Variants in LMNA observed in about 807,000 individuals in gnomAD.
The protein encoded by LMNA is lamin.
In LMNA, 20 loss-of-function variants were observed where a neutral mutation model predicts 70.4. The observed-to-expected ratio is 0.28, with a 90% CI of 0.20 to 0.41. The LOEUF is 0.41. Among genes scored for constraint, LMNA ranks in the 10% least tolerant of loss-of-function variants. The pLI is 1.00. For synonymous variants in LMNA, 339 were observed against 372.8 expected (o/e 0.91, Z 1.04); for missense variants, 652 against 917.2 (o/e 0.71, Z 3.73).
Position 156,139,702 on chromosome 1 carries a change from C to G in LMNA, c.*596C>G. ...GCCCCGCCCCCAGTCCCCACCCCTG[C>G]CCCCAGCCCCGGGGTGAGTCCATTC... On this transcript the variant is annotated 3_prime_UTR_variant, in exon 12 of 12. Coordinates refer to ENST00000368300, the MANE Select transcript of LMNA (RefSeq NM_170707.4). 1 of 1,520,332 alleles carries G rather than the reference C, an allele frequency of 6.6e-7. No individual in the cohort carries two copies. The highest frequency in any genetic ancestry group is 8.8e-7 in the Non-Finnish European group (1 of 1,139,130). 94.2% of individuals were successfully genotyped at this position (1,520,332 alleles called of 1,614,324 possible).
chr1:156,099,172 A>G (rs1014076188), intron 3 of LMNA, among the ~76,000 whole-genome samples: 1 of 152,096 alleles, frequency 6.6e-6, no homozygotes, highest in African/African-American at 2.4e-5. Context: ...CCCTCTCCTT[A>G]GCAATTAGGC....
In LMNA at chr1:156,139,574, C is replaced by A; in HGVS notation, c.*468C>A. 1 of 1,397,182 alleles carries A rather than the reference C, an allele frequency of 7.2e-7. No individual in the cohort carries two copies. The highest frequency in any genetic ancestry group is 9.3e-7 in the Non-Finnish European group (1 of 1,080,350). The allele number at this position is 1,397,182 out of a possible 1,614,324, so 86.5% of individuals were successfully genotyped here. A position where few individuals can be genotyped will look rare whatever the true frequency, so the allele number is the denominator to read the frequency against. Reference sequence around the variant, plus strand: ...TCTGGACGGCAGGCTCACTGCCAGGCCAGCCTCCGAGAGGGAGAGAGAGAG... The same window carrying A: ...TCTGGACGGCAGGCTCACTGCCAGGACAGCCTCCGAGAGGGAGAGAGAGAG... On this transcript the variant is annotated 3_prime_UTR_variant, in exon 12 of 12. Coordinates refer to ENST00000368300, the MANE Select transcript of LMNA (RefSeq NM_170707.4).
rs1649197516 is a variant in LMNA at position 156,103,107 on chromosome 1, C to T, written c.-206-11606C>T. ...TGGACCCATGGGGGCTGCAGCTGAGCTGGGGACTTTGTCCCTGCAGCTGCT... is the reference window on the plus strand; with the variant it reads ...TGGACCCATGGGGGCTGCAGCTGAGTTGGGGACTTTGTCCCTGCAGCTGCT... On this transcript the variant is annotated intron_variant, in intron 3 of 12. Coordinates refer to the LMNA transcript ENST00000368301. The surrounding 1 kb of genome is among the most constrained non-coding windows in gnomAD (Gnocchi z 4.7). 6.6e-6 allele frequency among the ~76,000 whole-genome samples: 1 copy of T among 152,228 alleles called. No homozygotes were observed. The highest frequency in any genetic ancestry group is 1.5e-5 in the Non-Finnish European group (1 of 68,038).
intron 3 of LMNA, among the ~76,000 whole-genome samples, chr1:156,104,225 A>G (rs1191349985): frequency 6.6e-6 from 1 of 152,156 alleles, no homozygotes; most frequent in East Asian, 1.9e-4. Flanking sequence ...TCAGCCTCCC[A>G]GCTCGGGTGG....
intron 3 of LMNA, among the ~76,000 whole-genome samples, chr1:156,095,297 G>A (rs551182112): frequency 3.3e-5 from 5 of 152,174 alleles, no homozygotes; most frequent in African/African-American, 1.2e-4. Context: ...CCATGAATAA[G>A]GGATGTGTCT....
intron 3 of LMNA, among the ~76,000 whole-genome samples, chr1:156,105,186 T>C (rs1572324651): frequency 6.6e-6 from 1 of 152,074 alleles, no homozygotes; most frequent in Non-Finnish European, 1.5e-5. Flanking sequence ...GCCAATGGGG[T>C]GCTCCTCTGG....
intron 3 of LMNA, among the ~76,000 whole-genome samples, chr1:156,099,973 C>T (rs1339452359): frequency 6.6e-6 from 1 of 152,098 alleles, no homozygotes; most frequent in Admixed American, 6.5e-5. Context: ...AGCCCCCTTC[C>T]TCCAAGCAAT....
intron 3 of LMNA, among the ~76,000 whole-genome samples, chr1:156,094,772 T>A (rs925273318): frequency 2.0e-5 from 3 of 149,478 alleles, no homozygotes; most frequent in African/African-American, 7.4e-5. Context: ...AGTGCTTTCT[T>A]TTTTTTTGAT....
chr1:156,100,706 G>A (rs1649111657), intron 3 of LMNA, among the ~76,000 whole-genome samples: 1 of 152,102 alleles, frequency 6.6e-6, no homozygotes, highest in Non-Finnish European at 1.5e-5. Flanking sequence ...AGCACATCGA[G>A]GTTGCTGGTT....
At position 156,139,396 on chromosome 1, in the gene LMNA, A is replaced by G. The variant is rs143860978; in HGVS notation, c.*290A>G. On this transcript the variant is annotated 3_prime_UTR_variant, in exon 12 of 12. Coordinates refer to ENST00000368300, the MANE Select transcript of LMNA (RefSeq NM_170707.4). ...TTCCAGGAAACTCCACATCTGCCTT[A>G]AAACCAAAGAGGGCTTCCTCTAGAA... 103 of 1,374,246 alleles carry G rather than the reference A, an allele frequency of 7.5e-5. No individual in the cohort carries two copies. In the East Asian group the frequency reaches 2.8e-3, roughly 38 times the overall value. 85.1% of individuals were successfully genotyped at this position (1,374,246 alleles called of 1,614,324 possible).
intron 2 of LMNA, among the ~76,000 whole-genome samples, chr1:156,089,996 G>T (rs910764387): frequency 6.6e-6 from 1 of 152,140 alleles, no homozygotes; most frequent in Non-Finnish European, 1.5e-5. Context: ...TTCGAGCTGC[G>T]GTGAGGGAGG....
In LMNA at chr1:156,136,312, G is replaced by T; in HGVS notation, c.1256G>T (p.Arg419Leu). The T allele has an allele frequency of 3.1e-6, 5 of 1,612,188 alleles. No homozygotes were observed. The highest frequency in any genetic ancestry group is 4.2e-6 in the Non-Finnish European group (5 of 1,180,026). ...TQGGGSVTKK[R>L]KLESTESRSS... ...GGTGGGGGCAGCGTCACCAAAAAGC[G>T]CAAACTGGAGTCCACTGAGAGCCGC... Residue 419 changes from arginine to leucine, a missense_variant, in exon 7 of 12, where the codon CGC (arginine) becomes CTC (leucine). Coordinates refer to ENST00000368300, the MANE Select transcript of LMNA (RefSeq NM_170707.4). This position sits in a 1 kb window ranked among gnomAD's most constrained non-coding sequence, Gnocchi z 6.1.
intron 2 of LMNA, among the ~76,000 whole-genome samples, chr1:156,085,583 C>T (rs1274360746): frequency 6.6e-6 from 1 of 152,218 alleles, no homozygotes; most frequent in Non-Finnish European, 1.5e-5. Context: ...ACCTAGCATG[C>T]AGCCCTGCCC....
chr1:156,131,317 G>A (rs947665667), intron 2 of LMNA, among the ~76,000 whole-genome samples: 2 of 152,122 alleles, frequency 1.3e-5, no homozygotes, highest in African/African-American at 4.8e-5. Flanking sequence ...GCCATGTGTG[G>A]TGGCTCATGC....
At chr1:156,108,764 C>CAA (rs796126277) in intron 3 of LMNA, among the ~76,000 whole-genome samples, 3 of 141,990 alleles carry the variant, frequency 2.1e-5, no homozygotes, top group African/African-American at 7.7e-5. Flanking sequence ...AACTCCATCT[C>CAA]AAAAAAAAAA....
chr1:156,135,512 C>T lies in LMNA; in HGVS notation c.936+200C>T. 5.8e-6 allele frequency: 4 copies of T among 683,998 alleles called. No homozygotes were observed. The highest frequency in any genetic ancestry group is 5.5e-5 in the East Asian group (2 of 36,352). 42.4% of individuals were successfully genotyped at this position (683,998 alleles called of 1,614,324 possible). On this transcript the variant is annotated intron_variant, in intron 5 of 11. Coordinates refer to ENST00000368300, the MANE Select transcript of LMNA (RefSeq NM_170707.4). The surrounding 1 kb of genome is among the most constrained non-coding windows in gnomAD (Gnocchi z 4.8). ...GTGCTGTTTCTGTACACTCTTACCT[C>T]ACCTTCACTTCTCAGGGCTTTGGTT...
At chr1:156,118,211 G>A (rs1158163645) in intron 1 of LMNA, among the ~76,000 whole-genome samples, 1 of 152,062 alleles carries the variant, frequency 6.6e-6, no homozygotes, top group Non-Finnish European at 1.5e-5. Context: ...CAGAGAATTC[G>A]TTGCATTCTA....
rs757689089 is a variant in LMNA, at chr1:156,130,598, T to C, written c.357-19T>C. ...CACAGACTCCTTCTCTTAAATCTAC[T>C]CTCCCCTCTCTTCTTTAGCAATACC... On this transcript the variant is annotated intron_variant, in intron 1 of 11. Transcript: ENST00000368300. The C allele has an allele frequency of 2.9e-5, 47 of 1,613,394 alleles. No homozygotes were observed. Among genetic ancestry groups the C allele is most frequent in the Middle Eastern group, 1.7e-4 (1 of 5,716 alleles).
In LMNA at chr1:156,117,079, ATTT is replaced by A. The variant is rs150049994; in HGVS notation, c.356+1826_356+1828del. On this transcript the variant is annotated intron_variant, in intron 1 of 11. Coordinates refer to ENST00000368300, the MANE Select transcript of LMNA (RefSeq NM_170707.4). Reference sequence around the variant, plus strand: ...TAAGTGTGTGCCACCACACATGGCTATTTTTTTTTTTTTTTTTTTTTTTAATTT... The same window carrying A: ...TAAGTGTGTGCCACCACACATGGCTATTTTTTTTTTTTTTTTTTTTAATTT... Among the ~76,000 whole-genome samples, 747 of 112,618 alleles carry A rather than the reference ATTT, an allele frequency of 6.6e-3. 4 individuals carry two copies. The highest frequency in any genetic ancestry group is 0.023 in the African/African-American group (694 of 29,696). The allele number at this position is 112,618 out of a possible 152,430, so 73.9% of individuals were successfully genotyped here.
Sources: allele counts gnomAD v4.1 joint callset (sites outside exome capture counted in the v4.1 genomes callset), GRCh38; gene constraint gnomAD v4.1.1; non-coding constraint Gnocchi (gnomAD v3.1); transcripts MANE v1.5; gene names NCBI Gene and HGNC (gene_info 2026-07-23, HGNC 2026-07-21).